The following ASIC2 variants were observed in gnomAD, a reference collection of about 807,000 sequenced individuals.
ASIC2 encodes the protein acid-sensing ion channel 2.
ASIC2 carries 25 observed loss-of-function variants against 57.3 expected under a neutral mutation model. The observed-to-expected ratio is 0.44, with a 90% CI of 0.32 to 0.61. The LOEUF (loss-of-function observed/expected upper bound fraction) is 0.61, where lower values mean the gene tolerates loss of function less well. ASIC2 is among the 20% of genes least tolerant of loss of function. ASIC2 has a pLI of 0.06. For missense variants in ASIC2, 641 were observed against 738.1 expected, an observed-to-expected ratio of 0.87 and a Z score of 1.52; for synonymous variants, 319 against 307.5, an observed-to-expected ratio of 1.04 and a Z score of -0.39.
chr17:33,080,509 G>C (rs546916284), intron 3 of ASIC2, among the ~76,000 whole-genome samples: 2 of 152,232 alleles, frequency 1.3e-5, no homozygotes, highest in South Asian at 4.1e-4. Flanking sequence ...TGAAACTGCA[G>C]ATAGTACCCA....
At chr17:33,806,278 T>C (rs1379421933) in intron 1 of ASIC2, among the ~76,000 whole-genome samples, 1 of 152,260 alleles carries the variant, frequency 6.6e-6, no homozygotes, top group Admixed American at 6.5e-5. Context: ...AACCAATAAA[T>C]GTGGCTCTGT....
chr17:33,799,403 T>TTTCTTTTC (rs756059318), intron 1 of ASIC2, among the ~76,000 whole-genome samples: 7 of 51,360 alleles, frequency 1.4e-4, no homozygotes, highest in African/African-American at 3.9e-4. Context: ...TCTTTCTTTC[T>TTTCTTTTC]TTTCTTTCTT....
In ASIC2 at chr17:33,459,745, C is replaced by T. The variant is rs373131407; in HGVS notation, c.556-347678G>A. On this transcript the variant is annotated intron_variant, in intron 1 of 9. Transcript: ENST00000359872. ...GTGCCTGTGGGGATGAGGTATCTGT[C>T]CCTGCCAGCCCAGGAGCAGCAGCTG... Among the ~76,000 whole-genome samples, 79 of 152,290 alleles carry T rather than the reference C, an allele frequency of 5.2e-4. 1 individual carries two copies. The East Asian group carries it at 0.015, about 29-fold the overall frequency.
intron 1 of ASIC2, among the ~76,000 whole-genome samples, chr17:33,909,284 A>G (rs1037723974): frequency 2.0e-5 from 3 of 152,232 alleles, no homozygotes; most frequent in Non-Finnish European, 4.4e-5. Context: ...TTCTAACAAA[A>G]TAGCCCAGAA....
chr17:33,458,122 T>G (rs114274992), intron 1 of ASIC2, among the ~76,000 whole-genome samples: 1 of 152,086 alleles, frequency 6.6e-6, no homozygotes. Flanking sequence ...TGGCAGGTTA[T>G]GGAGTGGAAG....
At chr17:33,902,363 C>T (rs1236613510) in intron 1 of ASIC2, among the ~76,000 whole-genome samples, 1 of 152,270 alleles carries the variant, frequency 6.6e-6, no homozygotes, top group South Asian at 2.1e-4. Flanking sequence ...TTCAGCATAA[C>T]AGCACAAAAT....
At chr17:33,558,347 T>C (rs2141981819) in intron 1 of ASIC2, among the ~76,000 whole-genome samples, 1 of 152,338 alleles carries the variant, frequency 6.6e-6, no homozygotes, top group South Asian at 2.1e-4. Context: ...CTGGGTTATG[T>C]TATCTTCCTC....
intron 1 of ASIC2, among the ~76,000 whole-genome samples, chr17:33,473,205 G>T (rs1246678526): frequency 1.3e-5 from 2 of 152,236 alleles, no homozygotes; most frequent in Non-Finnish European, 2.9e-5. Context: ...CTGGCATGGG[G>T]GACTATGGCA....
intron 1 of ASIC2, among the ~76,000 whole-genome samples, chr17:34,151,348 T>C (rs1904519466): frequency 6.6e-6 from 1 of 152,222 alleles, no homozygotes; most frequent in African/African-American, 2.4e-5. Context: ...CTGGGAGTTC[T>C]ACAATGGCAA....
chr17:33,540,812 A>G (rs1915384980), intron 1 of ASIC2, among the ~76,000 whole-genome samples: 1 of 152,212 alleles, frequency 6.6e-6, no homozygotes. Flanking sequence ...GTGTTTATGA[A>G]TCTAACACAT....
Position 33,024,085 on chromosome 17 carries a change from G to C in ASIC2, c.1196-71C>G, listed in dbSNP as rs2091849764. The C allele has an allele frequency of 2.5e-6, 4 of 1,584,640 alleles. No homozygotes were observed. In the South Asian group the frequency reaches 4.5e-5, roughly 18 times the overall value. ...GATTTCTAAGGGTCCAGAGTAGCTG[G>C]ATTGTAGCAGCTGAGAAATGAGCTG... On this transcript the variant is annotated intron_variant, in intron 5 of 9. Coordinates refer to ENST00000225823, the MANE Select transcript of ASIC2 (RefSeq NM_183377.2).
intron 1 of ASIC2, among the ~76,000 whole-genome samples, chr17:33,839,008 C>T (rs771510176): frequency 1.6e-4 from 25 of 152,146 alleles, no homozygotes; most frequent in Non-Finnish European, 3.2e-4. Context: ...CTAACAAACT[C>T]CCAGGTGATG....
intron 3 of ASIC2, among the ~76,000 whole-genome samples, chr17:33,077,621 T>A (rs561402267): frequency 6.6e-6 from 1 of 152,074 alleles, no homozygotes; most frequent in African/African-American, 2.4e-5. Flanking sequence ...GATGGAGCAG[T>A]CTAACAGATA....
At chr17:33,502,971 A>C (rs533008295) in intron 1 of ASIC2, among the ~76,000 whole-genome samples, 1 of 152,356 alleles carries the variant, frequency 6.6e-6, no homozygotes, top group Non-Finnish European at 1.5e-5. Flanking sequence ...AGGAAGGCAC[A>C]TTTGAGAAAT....
rs182060653 is a variant in ASIC2, at chr17:33,548,765, C to T, written c.556-436698G>A. ...TTCCACTCTAGCCATGCTGACCTTG[C>T]TGTACCTTAAGCAAGTCAAGGTCAT... is the stretch of plus-strand genomic sequence containing the variant. On this transcript the variant is annotated intron_variant, in intron 1 of 9. Coordinates refer to the ASIC2 transcript ENST00000359872. Among the ~76,000 whole-genome samples the T allele has an allele frequency of 3.9e-4, 59 of 152,308 alleles. 1 individual carries two copies. The highest frequency in any genetic ancestry group is 1.4e-3 in the African/African-American group (58 of 41,564).
chr17:33,604,593 G>A (rs1413934917), intron 1 of ASIC2, among the ~76,000 whole-genome samples: 1 of 152,176 alleles, frequency 6.6e-6, no homozygotes, highest in Non-Finnish European at 1.5e-5. Flanking sequence ...AACTGACAGG[G>A]CATTCCACCT....
At chr17:33,361,728 G>T (rs1265488357) in intron 1 of ASIC2, among the ~76,000 whole-genome samples, 1 of 152,156 alleles carries the variant, frequency 6.6e-6, no homozygotes, top group Non-Finnish European at 1.5e-5. Flanking sequence ...TAGTCTAGAT[G>T]CCAGGACTCC....
intron 1 of ASIC2, among the ~76,000 whole-genome samples, chr17:33,592,195 A>G (rs750400094): frequency 3.9e-5 from 6 of 152,232 alleles, no homozygotes; most frequent in Non-Finnish European, 8.8e-5. Context: ...TGCTTTTCCT[A>G]TACCACTTGC....
chr17:33,579,087 C>G (rs1424787379), intron 1 of ASIC2, among the ~76,000 whole-genome samples: 2 of 150,310 alleles, frequency 1.3e-5, no homozygotes, highest in African/African-American at 5.0e-5. Context: ...GGGATTCAGA[C>G]CAGTCTGGCC....
Sources: allele counts gnomAD v4.1 joint callset (sites outside exome capture counted in the v4.1 genomes callset), GRCh38; gene constraint gnomAD v4.1.1; transcripts MANE v1.5; gene names NCBI Gene and HGNC (gene_info 2026-07-23, HGNC 2026-07-21).